Variants in WDR49 observed in about 807,000 individuals in gnomAD.
WDR49 encodes the protein cilia- and flagella-associated protein 337.
In WDR49, 107 loss-of-function variants were observed where a neutral mutation model predicts 119.5. The ratio of observed to expected loss-of-function variants is 0.90; its 90% CI spans 0.77 to 1.05. WDR49 has a LOEUF of 1.05. Among genes scored for constraint, WDR49 ranks in the 50% least tolerant of loss-of-function variants. WDR49 has a pLI of 0.00. For missense variants in WDR49, 1,240 were observed against 1,220.5 expected, an observed-to-expected ratio of 1.02 and a Z score of -0.24; for synonymous variants, 425 against 418.8, an observed-to-expected ratio of 1.01 and a Z score of -0.18.
intron 7 of WDR49, among the ~76,000 whole-genome samples, chr3:167,585,976 G>T (rs1394895616): frequency 2.6e-5 from 4 of 152,042 alleles, no homozygotes; most frequent in Non-Finnish European, 4.4e-5. Context: ...AAAATCCTTT[G>T]TTTCTGGATG....
At position 167,531,252 on chromosome 3, in the gene WDR49, G is replaced by A; in HGVS notation, c.2081C>T (p.Ala694Val). ...LDTKPQKLLS[A>V]GRSQPSHPMA... ...GGGGTGGGAGGGTTGGCTTCTCCCA[G>A]CACTGAGAAGTTTTTGAGGTTTTGT... The change falls in exon 13 of 19, where the codon GCT becomes GTT. Residue 694 changes from alanine to valine, a missense_variant. Transcript: ENST00000682715. 1 of 1,611,280 alleles carries A rather than the reference G, an allele frequency of 6.2e-7. No homozygotes were observed. The highest frequency in any genetic ancestry group is 8.5e-7 in the Non-Finnish European group (1 of 1,179,474).
chr3:167,503,991 G>A lies in WDR49; in HGVS notation c.2884+1316C>T, dbSNP rs139935524. Among the ~76,000 whole-genome samples the A allele has an allele frequency of 2.1e-3, 323 of 152,290 alleles. 1 individual carries two copies. The highest frequency in any genetic ancestry group is 7.4e-3 in the African/African-American group (307 of 41,558). On this transcript the variant is annotated intron_variant, in intron 17 of 18. Transcript: ENST00000682715. ...GTGAGCTCTCTGATTGGTCAGGTGTGAGCTAAGTTGCAAGCCCCATGTTTA... is the reference window on the plus strand; with the variant it reads ...GTGAGCTCTCTGATTGGTCAGGTGTAAGCTAAGTTGCAAGCCCCATGTTTA...
intron 18 of WDR49, among the ~76,000 whole-genome samples, chr3:167,494,962 C>T (rs916524454): frequency 2.0e-5 from 3 of 152,104 alleles, no homozygotes; most frequent in Admixed American, 6.5e-5. Flanking sequence ...AGCACTGACC[C>T]GGCTCAAGTA....
rs186569302 is a variant in WDR49 at position 167,609,407 on chromosome 3, C to A, written c.959-4939G>T. Reference sequence around the variant, plus strand: ...GGGAACTGGGGGAGAGAGAGCAGAGCAATTATGTAGTATTGAACTCTGTGC... The same window carrying A: ...GGGAACTGGGGGAGAGAGAGCAGAGAAATTATGTAGTATTGAACTCTGTGC... On this transcript the variant is annotated intron_variant, in intron 5 of 18. Coordinates refer to ENST00000682715, the MANE Select transcript of WDR49 (RefSeq NM_001366157.1). Among the ~76,000 whole-genome samples the A allele has an allele frequency of 4.6e-5, 7 of 152,168 alleles. No homozygotes were observed. In the East Asian group the frequency reaches 1.4e-3, roughly 30 times the overall value.
At chr3:167,600,227 C>T (rs1346383899) in intron 7 of WDR49, among the ~76,000 whole-genome samples, 1 of 152,056 alleles carries the variant, frequency 6.6e-6, no homozygotes, top group Non-Finnish European at 1.5e-5. Context: ...GTGGTACAAG[C>T]ACTCCTTTAG....
chr3:167,553,557 T>C (rs1712707537), intron 10 of WDR49, among the ~76,000 whole-genome samples: 1 of 152,122 alleles, frequency 6.6e-6, no homozygotes, highest in South Asian at 2.1e-4. Flanking sequence ...AAATTCCTTT[T>C]TGTTATGTTT....
intron 10 of WDR49, among the ~76,000 whole-genome samples, chr3:167,552,388 T>G (rs1488209400): frequency 3.9e-5 from 6 of 152,034 alleles, no homozygotes; most frequent in African/African-American, 1.4e-4. Flanking sequence ...AAGTGGAAAT[T>G]ATGCTCTGAA....
intron 16 of WDR49, among the ~76,000 whole-genome samples, chr3:167,510,181 A>C (rs923645456): frequency 2.6e-5 from 4 of 152,168 alleles, no homozygotes; most frequent in African/African-American, 9.7e-5. Context: ...TCAGGAGTTC[A>C]AGACCAGCCT....
chr3:167,601,437 C>T (rs1037375306), intron 7 of WDR49, among the ~76,000 whole-genome samples: 1 of 152,156 alleles, frequency 6.6e-6, no homozygotes, highest in South Asian at 2.1e-4. Context: ...AACCAACTAT[C>T]TTGAAATCTA....
At chr3:167,523,669 A>G (rs1752533975) in intron 15 of WDR49, among the ~76,000 whole-genome samples, 1 of 152,002 alleles carries the variant, frequency 6.6e-6, no homozygotes, top group South Asian at 2.1e-4. Flanking sequence ...TTCCTGTGTT[A>G]GTTTGCTGAG....
intron 16 of WDR49, among the ~76,000 whole-genome samples, chr3:167,509,652 C>T (rs1751891661): frequency 6.6e-6 from 1 of 152,020 alleles, no homozygotes; most frequent in Non-Finnish European, 1.5e-5. Context: ...GCAAGATGAC[C>T]CAAAGGCCTT....
At chr3:167,606,089 A>G (rs892804313) in intron 5 of WDR49, among the ~76,000 whole-genome samples, 1 of 152,186 alleles carries the variant, frequency 6.6e-6, no homozygotes, top group Non-Finnish European at 1.5e-5. Flanking sequence ...CATTTCTCAC[A>G]TTCCTAGGTG....
intron 7 of WDR49, among the ~76,000 whole-genome samples, chr3:167,601,012 C>T (rs1279881910): frequency 6.6e-6 from 1 of 152,070 alleles, no homozygotes; most frequent in Non-Finnish European, 1.5e-5. Flanking sequence ...CTGCAAGCTA[C>T]TTGCAAATTA....
chr3:167,600,391 G>A (rs1295242785), intron 7 of WDR49, among the ~76,000 whole-genome samples: 3 of 152,128 alleles, frequency 2.0e-5, no homozygotes, highest in Admixed American at 2.0e-4. Context: ...GGGAAGGGGT[G>A]GCATTGGTAA....
intron 16 of WDR49, among the ~76,000 whole-genome samples, chr3:167,509,713 A>G (rs1751894030): frequency 6.6e-6 from 1 of 152,300 alleles, no homozygotes; most frequent in Non-Finnish European, 1.5e-5. Context: ...CTAATTATGA[A>G]TTCAATAAGA....
chr3:167,562,869 CTAA>C (rs1713350181), intron 8 of WDR49, among the ~76,000 whole-genome samples: 1 of 152,286 alleles, frequency 6.6e-6, no homozygotes, highest in African/African-American at 2.4e-5. Context: ...TTTAAACAAA[CTAA>C]TATTTTTAAA....
At chr3:167,623,480 A>C (rs1716964005) in intron 3 of WDR49, among the ~76,000 whole-genome samples, 1 of 152,064 alleles carries the variant, frequency 6.6e-6, no homozygotes, top group Admixed American at 6.6e-5. Flanking sequence ...ATTTGACAAA[A>C]TCCAACACAT....
At chr3:167,612,560 C>T (rs1716390492) in intron 5 of WDR49, among the ~76,000 whole-genome samples, 1 of 150,776 alleles carries the variant, frequency 6.6e-6, no homozygotes, top group African/African-American at 2.4e-5. Flanking sequence ...GTTAAAAGGA[C>T]AAAGCTTTAG....
rs1352032590 is a variant in WDR49 at position 167,482,385 on chromosome 3, T to C, written c.3032-3389A>G. 3.3e-5 allele frequency among the ~76,000 whole-genome samples: 5 copies of C among 152,050 alleles called. No homozygotes were observed. The East Asian group carries it at 9.7e-4, about 29-fold the overall frequency. On this transcript the variant is annotated intron_variant, in intron 18 of 18. Coordinates refer to ENST00000682715, the MANE Select transcript of WDR49 (RefSeq NM_001366157.1). ...TTGAGGAAATTTCAAAAAGCTAAACTGAGGCCAGGAGTGGTGACTCACGCC... is the reference window on the plus strand; with the variant it reads ...TTGAGGAAATTTCAAAAAGCTAAACCGAGGCCAGGAGTGGTGACTCACGCC...
Sources: gnomAD v4.1 joint callset for allele counts (sites outside exome capture counted in the v4.1 genomes callset) on GRCh38, gnomAD v4.1.1 for gene constraint, MANE v1.5 for transcripts, NCBI Gene and HGNC (gene_info 2026-07-23, HGNC 2026-07-21) for gene names.